CCDC91: variants seen among roughly 807,000 people sequenced by gnomAD.
CCDC91 encodes the protein coiled-coil domain-containing protein 91.
A neutral mutation model predicts 63.2 loss-of-function variants in CCDC91; 48 were observed. That is an observed-to-expected ratio of 0.76 (90% CI 0.60 to 0.97). The LOEUF (loss-of-function observed/expected upper bound fraction) is 0.97. CCDC91 is among the 50% of genes least tolerant of loss of function. CCDC91 has a pLI of 0.00. For synonymous variants in CCDC91, 167 were observed against 165.8 expected (o/e 1.01, Z -0.06); for missense variants, 500 against 494.6 (o/e 1.01, Z -0.10).
chr12:28,349,976 C>G (rs1258029970), intron 6 of CCDC91, among the ~76,000 whole-genome samples: 5 of 152,158 alleles, frequency 3.3e-5, no homozygotes, highest in Admixed American at 6.5e-5. Context: ...TTGCTGCTAC[C>G]AAATCCTGAG....
At chr12:28,369,316 G>A (rs1279843989) in intron 7 of CCDC91, among the ~76,000 whole-genome samples, 1 of 152,138 alleles carries the variant, frequency 6.6e-6, no homozygotes, top group African/African-American at 2.4e-5. Context: ...CCCCATGTGA[G>A]TCTGAAACCC....
chr12:28,264,547 G>A (rs922448153), intron 3 of CCDC91, among the ~76,000 whole-genome samples: 1 of 142,802 alleles, frequency 7.0e-6, no homozygotes, highest in Non-Finnish European at 1.6e-5. Context: ...GTATATATAT[G>A]TGTATAAGAA....
intron 3 of CCDC91, among the ~76,000 whole-genome samples, chr12:28,294,534 G>A (rs1207476059): frequency 2.0e-5 from 3 of 151,798 alleles, no homozygotes; most frequent in Admixed American, 6.6e-5. Flanking sequence ...GTGATTGCAA[G>A]CTTCCTGAGG....
At chr12:28,219,003 G>GT (rs1943756736) in intron 1 of CCDC91, among the ~76,000 whole-genome samples, 1 of 152,240 alleles carries the variant, frequency 6.6e-6, no homozygotes, top group African/African-American at 2.4e-5. Context: ...GCAAGTGTAT[G>GT]TTTAACATTA....
At chr12:28,467,776 TG>T (rs1385089075) in intron 11 of CCDC91, among the ~76,000 whole-genome samples, 1 of 151,980 alleles carries the variant, frequency 6.6e-6, no homozygotes, top group East Asian at 1.9e-4. Context: ...CTGACCAGAA[TG>T]GAATAAAACT....
In CCDC91 at chr12:28,396,644, T is replaced by TG. The variant is rs1946307017; in HGVS notation, c.762+5233_762+5234insG. Among the ~76,000 whole-genome samples, 6 of 15,732 alleles carry TG rather than the reference T, an allele frequency of 3.8e-4. No homozygotes were observed. The Admixed American group carries it at 6.0e-3, about 16-fold the overall frequency. 10.3% of individuals were successfully genotyped at this position (15,732 alleles called of 152,430 possible). On this transcript the variant is annotated intron_variant, in intron 8 of 12. Coordinates refer to ENST00000536442, the MANE Select transcript of CCDC91 (RefSeq NM_018318.5). ...TAGATGCTCATTGATAAAGGAGATT[T>TG]TGTGTGTGTGTGTGTGTGTGTGTGT...
chr12:28,468,121 C>T (rs1950632910), intron 11 of CCDC91, among the ~76,000 whole-genome samples: 1 of 151,652 alleles, frequency 6.6e-6, no homozygotes, highest in Non-Finnish European at 1.5e-5. Context: ...ATGAAGAAAA[C>T]AATACCAAAG....
chr12:28,541,175 A>G (rs1942604115), intron 12 of CCDC91, among the ~76,000 whole-genome samples: 2 of 152,286 alleles, frequency 1.3e-5, no homozygotes, highest in South Asian at 4.1e-4. Context: ...CTAATACAGC[A>G]CATAAAGAGG....
intron 6 of CCDC91, among the ~76,000 whole-genome samples, chr12:28,333,735 A>G (rs1941700700): frequency 6.6e-6 from 1 of 152,152 alleles, no homozygotes. Context: ...AAATTTAGAA[A>G]TCATTAGGAT....
chr12:28,278,875 T>C (rs1444362755), intron 3 of CCDC91, among the ~76,000 whole-genome samples: 4 of 152,052 alleles, frequency 2.6e-5, no homozygotes, highest in Non-Finnish European at 5.9e-5. Context: ...AAAATGGTAA[T>C]AATATATACT....
intron 7 of CCDC91, among the ~76,000 whole-genome samples, chr12:28,366,604 C>CAA (rs1189884336): frequency 3.3e-5 from 5 of 152,144 alleles, no homozygotes; most frequent in Non-Finnish European, 7.3e-5. Context: ...TCATGCTGGG[C>CAA]AATAAGCCCC....
chr12:28,509,282 G>T (rs1282942544), intron 12 of CCDC91, among the ~76,000 whole-genome samples: 2 of 151,808 alleles, frequency 1.3e-5, no homozygotes, highest in East Asian at 3.9e-4. Flanking sequence ...ATACATGTTG[G>T]CTAGGTCCTA....
intron 12 of CCDC91, among the ~76,000 whole-genome samples, chr12:28,523,463 T>C (rs1940941415): frequency 6.6e-6 from 1 of 152,166 alleles, no homozygotes; most frequent in Non-Finnish European, 1.5e-5. Context: ...TGAGCCTATG[T>C]GTGTCTCTGC....
intron 11 of CCDC91, among the ~76,000 whole-genome samples, chr12:28,464,829 C>T (rs1950475059): frequency 6.6e-6 from 1 of 152,174 alleles, no homozygotes; most frequent in Non-Finnish European, 1.5e-5. Context: ...GTAAAGGGGA[C>T]TTTGGCACCT....
intron 12 of CCDC91, among the ~76,000 whole-genome samples, chr12:28,547,869 T>C (rs1433359958): frequency 1.3e-5 from 2 of 152,254 alleles, no homozygotes; most frequent in South Asian, 4.1e-4. Flanking sequence ...TGAGAATTAT[T>C]GTTCAGGTTT....
chr12:28,334,677 A>C (rs1941788399), intron 6 of CCDC91, among the ~76,000 whole-genome samples: 1 of 152,174 alleles, frequency 6.6e-6, no homozygotes, highest in Non-Finnish European at 1.5e-5. Context: ...TATACTTTAG[A>C]AAATGGTTTT....
At chr12:28,201,810 G>T (rs1182958948) in intron 1 of CCDC91, among the ~76,000 whole-genome samples, 1 of 144,952 alleles carries the variant, frequency 6.9e-6, no homozygotes, top group African/African-American at 2.5e-5. Context: ...CGGATCACTC[G>T]CGGCTAGGAG....
chr12:28,191,542 G>T (rs890764182), intron 1 of CCDC91, among the ~76,000 whole-genome samples: 19 of 152,162 alleles, frequency 1.2e-4, no homozygotes, highest in African/African-American at 4.6e-4. Flanking sequence ...GTGGGAGTTG[G>T]ATGATGGTTT....
At chr12:28,445,105 A>G (rs950218758) in intron 8 of CCDC91, among the ~76,000 whole-genome samples, 2 of 152,210 alleles carry the variant, frequency 1.3e-5, no homozygotes, top group Admixed American at 1.3e-4. Context: ...AAGGAGTGCT[A>G]TCTAACACTT....
Sources: gnomAD v4.1 joint callset for allele counts (sites outside exome capture counted in the v4.1 genomes callset) on GRCh38, gnomAD v4.1.1 for gene constraint, MANE v1.5 for transcripts, NCBI Gene and HGNC (gene_info 2026-07-23, HGNC 2026-07-21) for gene names.